Variants in DAD1 observed in about 807,000 individuals in gnomAD.
The protein encoded by DAD1 is defender against cell death 1, also known as dolichyl-diphosphooligosaccharide--protein glycosyltransferase subunit DAD1.
In DAD1, 4 loss-of-function variants were observed where a neutral mutation model predicts 9.0. The observed-to-expected ratio is 0.44, with a 90% confidence interval of 0.22 to 1.01. The LOEUF (loss-of-function observed/expected upper bound fraction) is 1.01, where lower values mean the gene tolerates loss of function less well. Among genes scored for constraint, DAD1 ranks in the 50% least tolerant of loss-of-function variants. DAD1 has a pLI of 0.24. For synonymous variants in DAD1, 60 were observed against 62.5 expected (o/e 0.96, Z 0.19); for missense variants, 119 against 137.3 (o/e 0.87, Z 0.67).
In DAD1 at chr14:22,564,984, G is replaced by A; in HGVS notation, c.*198C>T. 2 of 614,130 alleles carry A rather than the reference G, an allele frequency of 3.3e-6. No individual in the cohort carries two copies. Among genetic ancestry groups the A allele is most frequent in the South Asian group, 1.9e-5 (1 of 52,874 alleles). 38.0% of individuals were successfully genotyped at this position (614,130 alleles called of 1,614,324 possible). A position where few individuals can be genotyped will look rare whatever the true frequency, so the allele number is the denominator to read the frequency against. On this transcript the variant is annotated 3_prime_UTR_variant, in exon 3 of 3. Transcript: ENST00000250498. ...AAAGGCAGAGGCTGGATTAATAAAT[G>A]TTTGTTAGAAAGTTGTTCTGACACA...
intron 2 of DAD1, among the ~76,000 whole-genome samples, chr14:22,574,247 C>G (rs1309276033): frequency 3.3e-5 from 5 of 152,126 alleles, no homozygotes; most frequent in Non-Finnish European, 5.9e-5. Context: ...TTCTAGGCCT[C>G]TGTTGTCTCA....
intron 2 of DAD1, among the ~76,000 whole-genome samples, chr14:22,571,938 C>A (rs1024208310): frequency 6.6e-6 from 1 of 152,136 alleles, no homozygotes; most frequent in African/African-American, 2.4e-5. Flanking sequence ...CCATCCTAGC[C>A]AGGCTCTCTC....
chr14:22,585,858 C>T (rs1594885134), intron 1 of DAD1, among the ~76,000 whole-genome samples: 3 of 152,178 alleles, frequency 2.0e-5, no homozygotes, highest in Admixed American at 1.3e-4. Flanking sequence ...GAACATTTCC[C>T]TCCAATTCAT....
chr14:22,588,115 A>G (rs191736150), intron 1 of DAD1, among the ~76,000 whole-genome samples: 1 of 152,350 alleles, frequency 6.6e-6, no homozygotes, highest in Non-Finnish European at 1.5e-5. Flanking sequence ...CATGTGCCAA[A>G]GCTTTTACCA....
chr14:22,569,890 T>C (rs2037026765), intron 2 of DAD1, among the ~76,000 whole-genome samples: 1 of 152,150 alleles, frequency 6.6e-6, no homozygotes, highest in African/African-American at 2.4e-5. Context: ...TAGGTCCAGC[T>C]ACACAGAAGC....
chr14:22,586,033 T>C (rs371267922), intron 1 of DAD1, among the ~76,000 whole-genome samples: 197 of 152,096 alleles, frequency 1.3e-3, no homozygotes, highest in African/African-American at 4.1e-3. Context: ...GATGAAACCC[T>C]GTCTCCACTA....
chr14:22,581,652 A>G (rs1412351912), intron 1 of DAD1, among the ~76,000 whole-genome samples: 2 of 151,568 alleles, frequency 1.3e-5, no homozygotes, highest in Non-Finnish European at 2.9e-5. Flanking sequence ...CTGAGGCAGA[A>G]GAACCGCTTG....
At chr14:22,575,348 A>G (rs2037069345) in intron 1 of DAD1, 115 bp from the exon 2 acceptor site, 1 of 1,170,358 alleles carries the variant, frequency 8.5e-7, no homozygotes, top group African/African-American at 1.5e-5. Flanking sequence ...AAATGAATGC[A>G]TATATACATC....
chr14:22,567,467 T>G (rs776092592), intron 2 of DAD1, among the ~76,000 whole-genome samples: 11 of 152,352 alleles, frequency 7.2e-5, no homozygotes, highest in South Asian at 2.1e-4. Flanking sequence ...AGGCACAGAC[T>G]GTGTATTTCT....
chr14:22,578,604 T>C lies in DAD1; in HGVS notation c.212-3371A>G, dbSNP rs186589319. On this transcript the variant is annotated intron_variant, in intron 1 of 2. Coordinates refer to ENST00000250498, the MANE Select transcript of DAD1 (RefSeq NM_001344.4). The stretch of plus-strand genomic sequence containing the variant: ...AAAAAGTATATGCTATATGATTCCA[T>C]GTACAAAAAGCTTAAAACTTGGTAA... 8.0e-4 allele frequency among the ~76,000 whole-genome samples: 122 copies of C among 152,306 alleles called. 1 individual carries two copies. The highest frequency in any genetic ancestry group is 2.6e-3 in the African/African-American group (109 of 41,566).
intron 2 of DAD1, among the ~76,000 whole-genome samples, chr14:22,569,245 C>CTGTT (rs1382771604): frequency 6.6e-6 from 1 of 151,488 alleles, no homozygotes; most frequent in Non-Finnish European, 1.5e-5. Context: ...CCATACTGGC[C>CTGTT]AACATGGTGA....
At chr14:22,568,728 A>T (rs1170215871) in intron 2 of DAD1, among the ~76,000 whole-genome samples, 1 of 142,010 alleles carries the variant, frequency 7.0e-6, no homozygotes, top group Non-Finnish European at 1.5e-5. Context: ...ACAGGTTCTC[A>T]CTCTGTCACT....
At chr14:22,581,211 A>C (rs2037113255) in intron 1 of DAD1, among the ~76,000 whole-genome samples, 1 of 152,248 alleles carries the variant, frequency 6.6e-6, no homozygotes, top group African/African-American at 2.4e-5. Context: ...AGAGAAACAT[A>C]TAATCAATAA....
Position 22,589,026 on chromosome 14 carries a change from G to C in DAD1, c.132C>G (p.Tyr44Ter), listed in dbSNP as rs778749120. ...AGGGGAAGGTCCCCACGAGGAGACA[G>C]TAACCGAACTGCAGCGCCCCGGTCA... ...ILLTGALQFG[Y>*]CLLVGTFPFN... is the part of the protein sequence containing the mutation. Residue 44 changes from tyrosine (Y) to a stop codon, truncating the protein, a stop_gained, in exon 1 of 3, where the codon TAC (tyrosine) becomes TAG (stop). Coordinates refer to ENST00000250498, the MANE Select transcript of DAD1 (RefSeq NM_001344.4). LOFTEE classifies it high-confidence loss of function. 3 of 1,614,116 alleles carry C rather than the reference G, an allele frequency of 1.9e-6. No individual in the cohort carries two copies. The highest frequency in any genetic ancestry group is 1.3e-5 in the African/African-American group (1 of 74,938).
At chr14:22,587,654 A>T (rs1292480778) in intron 1 of DAD1, among the ~76,000 whole-genome samples, 1 of 152,180 alleles carries the variant, frequency 6.6e-6, no homozygotes, top group Non-Finnish European at 1.5e-5. Flanking sequence ...AATTCTAAGA[A>T]ATATCTCTGG....
At position 22,575,002 on chromosome 14, in the gene DAD1, T is replaced by A. The variant is rs1275819961; in HGVS notation, c.*44+57A>T. The A allele has an allele frequency of 2.1e-6, 3 of 1,460,524 alleles. No homozygotes were observed. The African/African-American group carries it at 4.2e-5, about 21-fold the overall frequency. The allele number at this position is 1,460,524 out of a possible 1,614,324, so 90.5% of individuals were successfully genotyped here. A position where few individuals can be genotyped will look rare whatever the true frequency, so the allele number is the denominator to read the frequency against. On this transcript the variant is annotated intron_variant, in intron 2 of 2. Coordinates refer to ENST00000250498, the MANE Select transcript of DAD1 (RefSeq NM_001344.4). ...CCAACCATGATCAAAACCAGTCCCA[T>A]CCAATTTCTCTTCCTAAAATCAACA...
chr14:22,580,255 A>C (rs1420500774), intron 1 of DAD1, among the ~76,000 whole-genome samples: 1 of 125,964 alleles, frequency 7.9e-6, no homozygotes, highest in Non-Finnish European at 1.6e-5. Context: ...CTGTCTCTAC[A>C]AAAAAAATGT....
At chr14:22,583,998 T>C (rs2037135691) in intron 1 of DAD1, among the ~76,000 whole-genome samples, 1 of 152,152 alleles carries the variant, frequency 6.6e-6, no homozygotes, top group Admixed American at 6.5e-5. Context: ...GAAATATTAT[T>C]GCAGGACCAC....
chr14:22,576,343 CA>C (rs1344038943), intron 1 of DAD1, among the ~76,000 whole-genome samples: 1 of 152,152 alleles, frequency 6.6e-6, no homozygotes, highest in Non-Finnish European at 1.5e-5. Flanking sequence ...ACCAAACTGA[CA>C]AAACCACTCA....
Sources: gnomAD v4.1 joint callset for allele counts (sites outside exome capture counted in the v4.1 genomes callset) on GRCh38, gnomAD v4.1.1 for gene constraint, MANE v1.5 for transcripts, NCBI Gene and HGNC (gene_info 2026-07-23, HGNC 2026-07-21) for gene names.